The following SEPTIN11 variants were observed in gnomAD, a reference collection of about 807,000 sequenced individuals.
The protein encoded by SEPTIN11 is septin 11.
SEPTIN11 carries 25 observed loss-of-function variants against 51.4 expected under a neutral mutation model. That is an observed-to-expected ratio of 0.49 (90% confidence interval 0.35 to 0.68). The LOEUF is 0.68. Among genes scored for constraint, SEPTIN11 ranks in the 30% least tolerant of loss-of-function variants. SEPTIN11 has a pLI of 0.00. For missense variants in SEPTIN11, 381 were observed against 520.8 expected (o/e 0.73, Z 2.61); for synonymous variants, 174 against 184.1 (o/e 0.95, Z 0.44).
intron 1 of SEPTIN11, among the ~76,000 whole-genome samples, chr4:76,972,766 T>C (rs1722302829): frequency 6.6e-6 from 1 of 152,226 alleles, no homozygotes; most frequent in African/African-American, 2.4e-5. Flanking sequence ...TTCTGATTTA[T>C]AGATTAAAAT....
rs1724447872 is a variant in SEPTIN11 at position 77,005,849 on chromosome 4, C to T, written c.338+53C>T. 3 of 1,518,192 alleles carry T rather than the reference C, an allele frequency of 2.0e-6. No homozygotes were observed. In the South Asian group the frequency reaches 3.7e-5, roughly 19 times the overall value. 94.0% of individuals were successfully genotyped at this position (1,518,192 alleles called of 1,614,324 possible). ...GAATGGATGAGGAGATAGCAGGATC[C>T]ATCCCAGGTAAATTTAAAGGCCAAA... is the stretch of plus-strand genomic sequence containing the variant. On this transcript the variant is annotated intron_variant, in intron 3 of 9. Transcript: ENST00000264893.
At chr4:77,023,042 C>A (rs1324650341) in intron 7 of SEPTIN11, among the ~76,000 whole-genome samples, 1 of 152,114 alleles carries the variant, frequency 6.6e-6, no homozygotes, top group African/African-American at 2.4e-5. Flanking sequence ...AACTGCCCAC[C>A]AGGAGGAGGT....
chr4:77,030,461 G>C (rs1056479480), intron 8 of SEPTIN11, among the ~76,000 whole-genome samples: 3 of 151,560 alleles, frequency 2.0e-5, no homozygotes, highest in Non-Finnish European at 4.4e-5. Flanking sequence ...GCAGTGGTAC[G>C]ATCTCAGCTC....
intron 7 of SEPTIN11, among the ~76,000 whole-genome samples, chr4:77,025,100 CTGT>C (rs1726019883): frequency 7.0e-6 from 1 of 142,936 alleles, no homozygotes; most frequent in South Asian, 2.2e-4. Flanking sequence ...CTCCCAAGGG[CTGT>C]TAAGAGGAAA....
intron 9 of SEPTIN11, among the ~76,000 whole-genome samples, chr4:77,032,559 T>TA (rs1222121573): frequency 6.6e-6 from 1 of 152,176 alleles, no homozygotes; most frequent in Non-Finnish European, 1.5e-5. Context: ...TAGGGGTGTG[T>TA]ATGTGTCTGT....
intron 1 of SEPTIN11, among the ~76,000 whole-genome samples, chr4:76,954,264 T>C (rs1260207545): frequency 6.6e-6 from 1 of 152,234 alleles, no homozygotes; most frequent in Non-Finnish European, 1.5e-5. Flanking sequence ...TTTCTCTTTA[T>C]AGGACTCTAA....
rs1281087559 is a variant in SEPTIN11, at chr4:77,037,667, A to G, written c.*3155A>G. The G allele has an allele frequency of 1.0e-6, 1 of 985,682 alleles. No individual in the cohort carries two copies. Among genetic ancestry groups the G allele is most frequent in the Non-Finnish European group, 1.2e-6 (1 of 829,950 alleles). The allele number at this position is 985,682 out of a possible 1,614,324, so 61.1% of individuals were successfully genotyped here. On this transcript the variant is annotated 3_prime_UTR_variant, in exon 10 of 10. Transcript: ENST00000264893. ...ACCCCATATCTTTTGTTCAAACATA[A>G]TACCATCTTTTTGCTTCTTCTGAAC...
At chr4:77,028,940 T>C (rs1304647544) in intron 8 of SEPTIN11, among the ~76,000 whole-genome samples, 179 bp downstream of exon 8, 5 of 152,216 alleles carry the variant, frequency 3.3e-5, no homozygotes, top group Admixed American at 1.3e-4. Context: ...TTACAGATGA[T>C]AAACAGGTTA....
intron 9 of SEPTIN11, among the ~76,000 whole-genome samples, chr4:77,033,467 G>A (rs1726817861): frequency 6.6e-6 from 1 of 152,032 alleles, no homozygotes; most frequent in Admixed American, 6.6e-5. Context: ...TTTTAATGTA[G>A]GTAAGGCTTT....
intron 1 of SEPTIN11, among the ~76,000 whole-genome samples, chr4:76,967,016 G>A (rs112391922): frequency 1.4e-4 from 22 of 152,072 alleles, no homozygotes; most frequent in African/African-American, 4.8e-4. Flanking sequence ...GGCCAACATG[G>A]CAAAACCGTG....
At chr4:76,990,118 C>T (rs925442775) in intron 1 of SEPTIN11, among the ~76,000 whole-genome samples, 1 of 152,184 alleles carries the variant, frequency 6.6e-6, no homozygotes, top group African/African-American at 2.4e-5. Flanking sequence ...CTGCCATGTT[C>T]TGTTTCTGTT....
Position 77,037,824 on chromosome 4 carries a change from A to T in SEPTIN11, c.*3312A>T. Reference sequence around the variant, plus strand: ...GGTTAAGGTTTTCTCCAAAAAGGGCATTTCAACAATGGGAATTATTTAATG... The same window carrying T: ...GGTTAAGGTTTTCTCCAAAAAGGGCTTTTCAACAATGGGAATTATTTAATG... On this transcript the variant is annotated 3_prime_UTR_variant, in exon 10 of 10. Coordinates refer to ENST00000264893, the MANE Select transcript of SEPTIN11 (RefSeq NM_018243.4). 2.0e-6 allele frequency: 2 copies of T among 985,882 alleles called. No individual in the cohort carries two copies. Among genetic ancestry groups the T allele is most frequent in the Non-Finnish European group, 2.4e-6 (2 of 829,938 alleles). 61.1% of individuals were successfully genotyped at this position (985,882 alleles called of 1,614,324 possible). A position where few individuals can be genotyped will look rare whatever the true frequency, so the allele number is the denominator to read the frequency against.
chr4:77,033,978 T>A lies in SEPTIN11; in HGVS notation c.1275-519T>A, dbSNP rs186628654. Among the ~76,000 whole-genome samples, 1,173 of 152,266 alleles carry A rather than the reference T, an allele frequency of 7.7e-3. 7 individuals are homozygous for A. Among genetic ancestry groups the A allele is most frequent in the African/African-American group, 0.024 (993 of 41,540 alleles). ...ACCATTCCAGTGATTGTCCTTTTTTTCCCCCTACCCAACTAGATTAATAGC... is the reference window on the plus strand; with the variant it reads ...ACCATTCCAGTGATTGTCCTTTTTTACCCCCTACCCAACTAGATTAATAGC... On this transcript the variant is annotated intron_variant, in intron 9 of 9. Coordinates refer to ENST00000264893, the MANE Select transcript of SEPTIN11 (RefSeq NM_018243.4).
chr4:77,025,405 G>A (rs1324315744), intron 7 of SEPTIN11, among the ~76,000 whole-genome samples: 2 of 152,068 alleles, frequency 1.3e-5, no homozygotes, highest in Non-Finnish European at 2.9e-5. Flanking sequence ...GCTGGGCATG[G>A]TGGCACATGC....
chr4:76,973,952 C>T (rs181680335), intron 1 of SEPTIN11, among the ~76,000 whole-genome samples: 10 of 152,286 alleles, frequency 6.6e-5, no homozygotes, highest in Middle Eastern at 3.4e-3. Flanking sequence ...ATTTTATATT[C>T]GTATCACTAA....
intron 1 of SEPTIN11, chr4:76,973,187 G>C (rs562186763): frequency 6.6e-6 from 1 of 152,206 alleles, no homozygotes; most frequent in Non-Finnish European, 1.5e-5. Context: ...CTCAAAGCCT[G>C]TGTGGGGGGA....
chr4:77,003,405 T>C (rs1724260066), intron 2 of SEPTIN11, among the ~76,000 whole-genome samples: 2 of 152,234 alleles, frequency 1.3e-5, no homozygotes, highest in African/African-American at 4.8e-5. Context: ...ACTGGTATTA[T>C]TCAGTCATGT....
At chr4:77,001,213 G>T (rs1306094577) in intron 2 of SEPTIN11, among the ~76,000 whole-genome samples, 2 of 152,012 alleles carry the variant, frequency 1.3e-5, no homozygotes, top group African/African-American at 4.8e-5. Context: ...CTTTAATAAG[G>T]TCTCTAATTA....
At chr4:77,003,295 T>C (rs1724246869) in intron 2 of SEPTIN11, among the ~76,000 whole-genome samples, 1 of 152,174 alleles carries the variant, frequency 6.6e-6, no homozygotes, top group Admixed American at 6.5e-5. Context: ...TGTGGCCAAC[T>C]AGCAGGGCCA....
Sources: allele counts gnomAD v4.1 joint callset (sites outside exome capture counted in the v4.1 genomes callset), GRCh38; gene constraint gnomAD v4.1.1; transcripts MANE v1.5; gene names NCBI Gene and HGNC (gene_info 2026-07-23, HGNC 2026-07-21).